MYH7: variants seen among roughly 807,000 people sequenced by gnomAD.
MYH7 encodes myosin heavy chain 7.
MYH7 carries 129 observed loss-of-function variants against 225.4 expected under a neutral mutation model. The ratio of observed to expected loss-of-function variants is 0.57; its 90% CI spans 0.50 to 0.66. The LOEUF (loss-of-function observed/expected upper bound fraction) is 0.66, where lower values mean the gene tolerates loss of function less well. Among genes scored for constraint, MYH7 ranks in the 30% least tolerant of loss-of-function variants. The pLI is 0.00. For missense variants in MYH7, 1,649 were observed against 2,517.0 expected (o/e 0.66, Z 7.38); for synonymous variants, 971 against 1,007.6 (o/e 0.96, Z 0.69).
Position 23,432,476 on chromosome 14 carries a change from C to CA in MYH7, c.530+2dup, listed in dbSNP as rs771971691. 1 of 1,614,108 alleles carries CA rather than the reference C, an allele frequency of 6.2e-7. No homozygotes were observed. The highest frequency in any genetic ancestry group is 1.3e-5 in the African/African-American group (1 of 75,020). On this transcript the variant is annotated splice_region_variant and intron_variant, in intron 6 of 39. Coordinates refer to ENST00000355349, the MANE Select transcript of MYH7 (RefSeq NM_000257.4). ...AAGGGAATACAGTAGCAGCTACACTCACGTGATCAGGATGGACTGGTTTTC... is the reference window on the plus strand; with the variant it reads ...AAGGGAATACAGTAGCAGCTACACTCAACGTGATCAGGATGGACTGGTTTTC...
rs7155989 is a variant in MYH7, at chr14:23,423,825, G to A, written c.2922+82C>T. The A allele has an allele frequency of 6.0e-3, 9,699 of 1,613,212 alleles. 430 individuals carry two copies. The African/African-American group carries it at 0.1, about 17-fold the overall frequency. On this transcript the variant is annotated intron_variant, in intron 23 of 39. Coordinates refer to ENST00000355349, the MANE Select transcript of MYH7 (RefSeq NM_000257.4). The stretch of plus-strand genomic sequence containing the variant: ...AGGTCCATGCTGCTCTCTGGATGCC[G>A]AGTGGCTAGCCTGGGTCAAGGTCAG...
chr14:23,435,183 C>T (rs1029628593), intron 1 of MYH7, among the ~76,000 whole-genome samples: 27 of 152,176 alleles, frequency 1.8e-4, no homozygotes, highest in African/African-American at 6.3e-4. Flanking sequence ...TTCCAGGCCT[C>T]ACAGAATCAC....
chr14:23,427,605 T>C lies in MYH7; in HGVS notation c.1868A>G (p.Asn623Ser). The C allele has an allele frequency of 6.2e-7, 1 of 1,614,146 alleles. No individual in the cohort carries two copies. Among genetic ancestry groups the C allele is most frequent in the Non-Finnish European group, 8.5e-7 (1 of 1,180,022 alleles). Residue 623 changes from asparagine (N) to serine (S), a missense_variant, in exon 16 of 40, where the codon AAC (asparagine) becomes AGC (serine). This residue lies in a region of MYH7 where 112 missense variants were observed against 161.9 expected (regional missense o/e 0.69). Transcript: ENST00000355349. ...SLKLLSTLFA[N>S]YAGADAPIEK... ...CTTACGCGCATCAGCCCCAGCATAG[T>C]TGGCAAACAGGGTGCTGAGCAGCTT...
rs1892827255 is a variant in MYH7 at position 23,429,328 on chromosome 14, G to A, written c.1158C>T (p.Tyr386=). ...GGTCGGCTGAGTTCAGCCCCATGAG[G>A]TAGGCAGACTTGTCAGCCTCTGGAA... is the stretch of plus-strand genomic sequence containing the variant. ...DGTEEADKSA[Y]LMGLNSADLL... Residue 386 remains tyrosine (Y), a synonymous_variant, in exon 13 of 40, where the codon TAC becomes TAT. Transcript: ENST00000355349. 1.2e-6 allele frequency: 2 copies of A among 1,614,094 alleles called. No homozygotes were observed. Among genetic ancestry groups the A allele is most frequent in the Admixed American group, 1.7e-5 (1 of 60,008 alleles).
intron 33 of MYH7, 95 bp downstream of exon 33, chr14:23,416,773 G>A: frequency 6.3e-7 from 1 of 1,597,018 alleles, no homozygotes; most frequent in Non-Finnish European, 8.5e-7. Context: ...CTGGGGATGG[G>A]ACAGTGAACA....
intron 1 of MYH7, 147 bp downstream of exon 1, chr14:23,435,473 C>T (rs1029739717): frequency 5.3e-5 from 8 of 152,274 alleles, no homozygotes; most frequent in Non-Finnish European, 1.0e-4. Flanking sequence ...CACATACGCC[C>T]ATGTTTAGAC....
intron 17 of MYH7, among the ~76,000 whole-genome samples, 165 bp downstream of exon 17, chr14:23,427,075 G>A (rs888123698): frequency 4.6e-5 from 7 of 151,720 alleles, no homozygotes; most frequent in Non-Finnish European, 8.8e-5. Flanking sequence ...AATAAGTGAA[G>A]AGGCCAGGAG....
In MYH7 at chr14:23,420,130, G is replaced by T; in HGVS notation, c.3441C>A (p.Ser1147Arg). The stretch of plus-strand genomic sequence containing the variant: ...CCCCGCCGGCCTCTTCCAGCCGCTC[G>T]CTGATCTCCTCCAGCTCCCGAGACA... The part of the protein sequence containing the change: ...SDLSRELEEI[S>R]ERLEEAGGAT... The change falls in exon 27 of 40, where the codon AGC becomes AGA. Residue 1147 changes from serine to arginine, a missense_variant. Physicochemically the swap from Ser to Arg is moderately radical, Grantham distance 110. Transcript: ENST00000355349. The T allele has an allele frequency of 6.2e-7, 1 of 1,605,766 alleles. No individual in the cohort carries two copies. Among genetic ancestry groups the T allele is most frequent in the Non-Finnish European group, 8.5e-7 (1 of 1,178,284 alleles).
At chr14:23,420,293 G>A in intron 26 of MYH7, 59 bp from the exon 27 acceptor site, 4 of 1,577,930 alleles carry the variant, frequency 2.5e-6, no homozygotes, top group Admixed American at 3.6e-5. Context: ...GAATCCCCCC[G>A]GCTCTAAAAG....
At position 23,416,869 on chromosome 14, in the gene MYH7, T is replaced by A. The variant is rs730880804; in HGVS notation, c.4643A>T (p.Glu1548Val). The change falls in exon 33 of 40, where the codon GAG becomes GTG. Residue 1548 changes from glutamate (E) to valine (V), a missense_variant and splice_region_variant. Glu to Val is a moderately radical substitution (Grantham distance 121, BLOSUM62 -2). Coordinates refer to ENST00000355349, the MANE Select transcript of MYH7 (RefSeq NM_000257.4). The part of the protein sequence containing the change: ...MELQSALEEA[E>V]ASLEHEEGKI... Reference sequence around the variant, plus strand: ...CCCGTGCCCTGCACACACACACACCTCGGCCTCCTCCAGGGCTGACTGCAG... The same window carrying A: ...CCCGTGCCCTGCACACACACACACCACGGCCTCCTCCAGGGCTGACTGCAG... 12 of 1,614,058 alleles carry A rather than the reference T, an allele frequency of 7.4e-6. No homozygotes were observed. The highest frequency in any genetic ancestry group is 1.0e-5 in the Non-Finnish European group (12 of 1,179,982).
intron 31 of MYH7, 71 bp from the exon 32 acceptor site, chr14:23,417,389 T>C (rs1249903961): frequency 6.2e-7 from 1 of 1,611,756 alleles, no homozygotes; most frequent in African/African-American, 1.3e-5. Flanking sequence ...TCTCAGGACC[T>C]GCCTGGGCTC....
At chr14:23,420,323 C>G in intron 26 of MYH7, 89 bp from the exon 27 acceptor site, 1 of 1,548,486 alleles carries the variant, frequency 6.5e-7, no homozygotes, top group East Asian at 2.4e-5. Flanking sequence ...TTCTCTGGAA[C>G]AGCAAGTCAG....
Position 23,415,766 on chromosome 14 carries a change from C to G in MYH7, c.5020G>C (p.Val1674Leu), listed in dbSNP as rs397516235. The change falls in exon 35 of 40, where the codon GTG becomes CTG. Residue 1674 changes from valine to leucine, a missense_variant. By Grantham distance (32) the Val-to-Leu change is conservative. Transcript: ENST00000355349. The surrounding 1 kb of genome is among the most constrained non-coding windows in gnomAD (Gnocchi z 6.3). ...TGCAGCAGGTTGTTGCGCCGCTCCA[C>G]GATGGCGATGTTCTCCTTCAGGTCG... is the stretch of plus-strand genomic sequence containing the variant. ...NDDLKENIAI[V>L]ERRNNLLQAE... 7 of 1,614,208 alleles carry G rather than the reference C, an allele frequency of 4.3e-6. No homozygotes were observed. In the South Asian group the frequency reaches 6.6e-5, roughly 15 times the overall value.
At chr14:23,418,922 A>G (rs1179662294) in intron 29 of MYH7, among the ~76,000 whole-genome samples, 1 of 152,136 alleles carries the variant, frequency 6.6e-6, no homozygotes, top group East Asian at 1.9e-4. Flanking sequence ...GGGCAAGGCC[A>G]TCTCGTGCCT....
intron 18 of MYH7, among the ~76,000 whole-genome samples, chr14:23,426,517 G>A (rs1892698491): frequency 6.6e-6 from 1 of 152,212 alleles, no homozygotes; most frequent in Non-Finnish European, 1.5e-5. Flanking sequence ...ATTCTGTCTT[G>A]GACAACCAGC....
intron 12 of MYH7, among the ~76,000 whole-genome samples, 192 bp from the exon 13 acceptor site, chr14:23,429,539 G>A (rs539136058): frequency 6.6e-6 from 1 of 152,194 alleles, no homozygotes; most frequent in South Asian, 2.1e-4. Flanking sequence ...AGCCAGGCAT[G>A]GTGGTGCATG....
chr14:23,426,927 AGAG>A (rs1892716630), intron 17 of MYH7, 63 bp from the exon 18 acceptor site: 5 of 1,417,910 alleles, frequency 3.5e-6, no homozygotes, highest in Non-Finnish European at 5.0e-6. Context: ...CAGGAAGAAG[AGAG>A]GAGAAGAAGG....
intron 11 of MYH7, 102 bp from the exon 12 acceptor site, chr14:23,430,015 T>C: frequency 7.0e-7 from 1 of 1,437,784 alleles, no homozygotes; most frequent in Non-Finnish European, 9.6e-7. Context: ...TTAATCCCTG[T>C]GGGTTCTGAG....
At chr14:23,431,268 A>T in intron 9 of MYH7, 150 bp downstream of exon 9, 2 of 836,356 alleles carry the variant, frequency 2.4e-6, no homozygotes, top group Non-Finnish European at 4.1e-6. Context: ...AGAGAGACAG[A>T]TATGTAGACC....
Sources: gnomAD v4.1 joint callset for allele counts (sites outside exome capture counted in the v4.1 genomes callset) on GRCh38, gnomAD v4.1.1 for gene constraint, gnomAD v4.1.1 regional missense constraint, Gnocchi (gnomAD v3.1) non-coding constraint, MANE v1.5 for transcripts, NCBI Gene and HGNC (gene_info 2026-07-23, HGNC 2026-07-21) for gene names.